The following FREM2 variants were observed in gnomAD, a reference collection of about 807,000 sequenced individuals.
FREM2 encodes the protein FRAS1-related extracellular matrix protein 2.
FREM2 carries 119 observed loss-of-function variants against 219.9 expected under a neutral mutation model. That is an observed-to-expected ratio of 0.54 (90% CI 0.47 to 0.63). FREM2 has a LOEUF of 0.63. Among genes scored for constraint, FREM2 ranks in the 30% least tolerant of loss-of-function variants. The probability of loss-of-function intolerance (pLI) is 0.00; values close to 1 mark genes in which losing one functional copy is unlikely to be tolerated. For missense variants in FREM2, 4,030 were observed against 3,993.6 expected, an observed-to-expected ratio of 1.01 and a Z score of -0.25; for synonymous variants, 1,562 against 1,522.8, an observed-to-expected ratio of 1.03 and a Z score of -0.60.
intron 2 of FREM2, among the ~76,000 whole-genome samples, chr13:38,715,842 A>C (rs1490787004): frequency 6.6e-6 from 1 of 152,048 alleles, no homozygotes; most frequent in Non-Finnish European, 1.5e-5. Context: ...GAATAAGAAT[A>C]CCTTTTTTTG....
chr13:38,765,042 C>T (rs1236574244), intron 3 of FREM2, among the ~76,000 whole-genome samples: 1 of 152,170 alleles, frequency 6.6e-6, no homozygotes, highest in African/African-American at 2.4e-5. Context: ...TCTCAAGTAG[C>T]TGGGACTACA....
In FREM2 at chr13:38,764,996, C is replaced by T. The variant is rs1305282726; in HGVS notation, c.5410+546C>T. Among the ~76,000 whole-genome samples, 5 of 152,254 alleles carry T rather than the reference C, an allele frequency of 3.3e-5. No individual in the cohort carries two copies. In the East Asian group the frequency reaches 5.8e-4, roughly 18 times the overall value. On this transcript the variant is annotated intron_variant, in intron 3 of 23. Transcript: ENST00000280481. ...CGTGATCTCAGCTCACTGCAAGCTC[C>T]GCCTCCCAGGTTCACGCCATTCTCC...
Position 38,687,727 on chromosome 13 carries a change from C to T in FREM2, c.383C>T (p.Pro128Leu), listed in dbSNP as rs114864077. ...GGCCGCCTGAGTCCCAAGCGCTTCC[C>T]GTGCGACTTTGGCCCTGGCGAGGTG... is the stretch of plus-strand genomic sequence containing the variant. The part of the protein sequence containing the change: ...RPGRLSPKRF[P>L]CDFGPGEVRY... Residue 128 changes from proline (P) to leucine (L), a missense_variant, in exon 1 of 24, where the codon CCG becomes CTG. By Grantham distance (98) the Pro-to-Leu change is moderately conservative (BLOSUM62 -3). This residue lies in a region of FREM2 where 3,102 missense variants were observed against 2,950.7 expected (regional missense o/e 1.05). Transcript: ENST00000280481. 66 of 1,550,482 alleles carry T rather than the reference C, an allele frequency of 4.3e-5. No individual in the cohort carries two copies. In the East Asian group the frequency reaches 1.3e-3, roughly 30 times the overall value.
intron 2 of FREM2, among the ~76,000 whole-genome samples, chr13:38,760,702 G>A (rs548812297): frequency 6.4e-4 from 97 of 152,196 alleles, no homozygotes; most frequent in African/African-American, 2.3e-3. Context: ...AATAAATGAA[G>A]GACCACTAAA....
chr13:38,769,876 G>A (rs756656228), intron 4 of FREM2, 68 bp downstream of exon 4: 137 of 1,118,802 alleles, frequency 1.2e-4, no homozygotes, highest in Non-Finnish European at 1.8e-4. Context: ...CCTTGTAGGG[G>A]TATAGCTTAC....
chr13:38,840,485 A>G (rs977811883), intron 6 of FREM2, among the ~76,000 whole-genome samples: 6 of 150,026 alleles, frequency 4.0e-5, no homozygotes, highest in Admixed American at 2.7e-4. Context: ...GCAATGGTGC[A>G]ATATTGGCCC....
rs1054673681 is a variant in FREM2, at chr13:38,886,033, T to C, written c.*5246T>C. ...CACTGATTACATGATTGTCACAGTT[T>C]AAGTGAATTTCTACTATGGATCTTT... On this transcript the variant is annotated 3_prime_UTR_variant, in exon 24 of 24. Transcript: ENST00000280481. The C allele has an allele frequency of 6.6e-6, 1 of 152,190 alleles. No individual in the cohort carries two copies. Among genetic ancestry groups the C allele is most frequent in the Non-Finnish European group, 1.5e-5 (1 of 68,016 alleles). The allele number at this position is 152,190 out of a possible 1,614,324, so 9.4% of individuals were successfully genotyped here.
intron 2 of FREM2, among the ~76,000 whole-genome samples, chr13:38,762,178 G>A (rs986517692): frequency 5.3e-5 from 8 of 152,024 alleles, no homozygotes; most frequent in African/African-American, 1.7e-4. Flanking sequence ...GCTAATTAGC[G>A]TCACCCTCAC....
chr13:38,692,510 C>T lies in FREM2; in HGVS notation c.5166C>T (p.Phe1722=). ...AAGGCAACCACAGCATCACTCAGTT[C>T]ACACAAGGTATGTTTCATGTTTCTT... ...LDKGNHSITQ[F]TQADIDDMKI... The change falls in exon 1 of 24, where the codon TTC becomes TTT. Residue 1722 remains phenylalanine, a synonymous_variant. Transcript: ENST00000280481. 1 of 1,610,208 alleles carries T rather than the reference C, an allele frequency of 6.2e-7. No individual in the cohort carries two copies. The highest frequency in any genetic ancestry group is 1.1e-5 in the South Asian group (1 of 91,076).
At chr13:38,762,611 G>A (rs1384324878) in intron 2 of FREM2, among the ~76,000 whole-genome samples, 1 of 151,856 alleles carries the variant, frequency 6.6e-6, no homozygotes, top group Non-Finnish European at 1.5e-5. Context: ...GGCTAGTTTT[G>A]CATTTTTAGT....
chr13:38,799,730 T>G (rs1296020358), intron 6 of FREM2, among the ~76,000 whole-genome samples: 2 of 152,052 alleles, frequency 1.3e-5, no homozygotes, highest in Non-Finnish European at 2.9e-5. Flanking sequence ...TTCTTTCTCT[T>G]TCTTTCTTTC....
At chr13:38,756,118 T>TG (rs1481754636) in intron 2 of FREM2, among the ~76,000 whole-genome samples, 2 of 152,214 alleles carry the variant, frequency 1.3e-5, no homozygotes, top group Non-Finnish European at 2.9e-5. Context: ...GGGGTAAACA[T>TG]TTTTCTGCTC....
intron 4 of FREM2, among the ~76,000 whole-genome samples, chr13:38,777,288 A>G (rs1220857989): frequency 6.6e-6 from 1 of 152,202 alleles, no homozygotes; most frequent in Non-Finnish European, 1.5e-5. Context: ...CTGCCTTAGC[A>G]GTACTTCGTG....
chr13:38,714,553 A>G lies in FREM2; in HGVS notation c.5263+16766A>G, dbSNP rs186058267. Among the ~76,000 whole-genome samples the G allele has an allele frequency of 9.4e-3, 1,436 of 152,306 alleles. 15 individuals carry two copies. The highest frequency in any genetic ancestry group is 0.012 in the Non-Finnish European group (813 of 68,024). ...TGACATGGTGACTATGGTTAGTGAC[A>G]TATTTTGTATTCTTAAAGATTACTA... is the stretch of plus-strand genomic sequence containing the variant. On this transcript the variant is annotated intron_variant, in intron 2 of 23. Transcript: ENST00000280481.
intron 11 of FREM2, 106 bp downstream of exon 11, chr13:38,851,974 A>G: frequency 2.9e-6 from 3 of 1,023,060 alleles, no homozygotes; most frequent in South Asian, 1.3e-5. Flanking sequence ...AAATCAAAAT[A>G]GGGCACTCTT....
chr13:38,710,237 G>A (rs1025213427), intron 2 of FREM2, among the ~76,000 whole-genome samples: 5 of 151,858 alleles, frequency 3.3e-5, no homozygotes, highest in Non-Finnish European at 5.9e-5. Flanking sequence ...TATTGGTCAC[G>A]GTGCTAAATC....
At chr13:38,837,765 G>GTTTTTTT (rs151057502) in intron 6 of FREM2, among the ~76,000 whole-genome samples, 9 of 140,434 alleles carry the variant, frequency 6.4e-5, no homozygotes, top group Admixed American at 1.5e-4. Context: ...GCAACCCCTG[G>GTTTTTTT]TTTTTTTTTG....
intron 2 of FREM2, among the ~76,000 whole-genome samples, chr13:38,715,898 T>G (rs1160569633): frequency 6.6e-6 from 1 of 152,144 alleles, no homozygotes; most frequent in African/African-American, 2.4e-5. Flanking sequence ...AATTAAATAA[T>G]ATAAATGAAA....
chr13:38,864,198 G>C, intron 15 of FREM2, 77 bp from the exon 16 acceptor site: 14 of 1,092,840 alleles, frequency 1.3e-5, no homozygotes, highest in Non-Finnish European at 1.8e-5. Flanking sequence ...GTTTTCTTAA[G>C]AGATAAAGAA....
Sources: allele counts gnomAD v4.1 joint callset (sites outside exome capture counted in the v4.1 genomes callset), GRCh38; gene constraint gnomAD v4.1.1; regional missense constraint gnomAD v4.1.1; transcripts MANE v1.5; gene names NCBI Gene and HGNC (gene_info 2026-07-23, HGNC 2026-07-21).